Variants in LARGE1 observed in about 807,000 individuals in gnomAD.
The protein encoded by LARGE1 is LARGE xylosyl- and glucuronyltransferase 1.
LARGE1 carries 43 observed loss-of-function variants against 87.6 expected under a neutral mutation model. The observed-to-expected ratio is 0.49, with a 90% CI of 0.38 to 0.63. LARGE1 has a LOEUF of 0.63. Among genes scored for constraint, LARGE1 ranks in the 30% least tolerant of loss-of-function variants. The pLI is 0.00. For synonymous variants in LARGE1, 434 were observed against 394.6 expected, an observed-to-expected ratio of 1.10 and a Z score of -1.18; for missense variants, 802 against 1,000.2, an observed-to-expected ratio of 0.80 and a Z score of 2.67.
At chr22:33,564,710 A>G in intron 6 of LARGE1, 138 bp downstream of exon 6, 1 of 812,096 alleles carries the variant, frequency 1.2e-6, no homozygotes, top group Non-Finnish European at 2.1e-6. Flanking sequence ...ATATTGAACC[A>G]TATTTGTAAT....
At chr22:33,786,849 G>A (rs1365921055) in intron 1 of LARGE1, among the ~76,000 whole-genome samples, 9 of 152,060 alleles carry the variant, frequency 5.9e-5, no homozygotes, top group East Asian at 3.9e-4. Context: ...GTGAAACTCC[G>A]TCTCTACTAA....
intron 7 of LARGE1, among the ~76,000 whole-genome samples, chr22:33,420,212 A>G (rs2066643367): frequency 6.6e-6 from 1 of 152,210 alleles, no homozygotes; most frequent in Non-Finnish European, 1.5e-5. Flanking sequence ...TATTTATTTT[A>G]TTCAACAACA....
At chr22:33,201,283 G>A (rs1234986229) in intron 11 of LARGE1, among the ~76,000 whole-genome samples, 1 of 151,676 alleles carries the variant, frequency 6.6e-6, no homozygotes, top group African/African-American at 2.4e-5. Context: ...ACTCCAGTCT[G>A]GGCAACAAGA....
intron 5 of LARGE1, among the ~76,000 whole-genome samples, chr22:33,595,880 C>T (rs28363758): frequency 0.085 from 12,948 of 152,204 alleles, 682 homozygotes; most frequent in African/African-American, 0.14. Context: ...AGGCTTGCAC[C>T]TGATCTTCAT....
chr22:33,179,252 G>A (rs1261058677), intron 11 of LARGE1, among the ~76,000 whole-genome samples: 1 of 152,192 alleles, frequency 6.6e-6, no homozygotes, highest in Non-Finnish European at 1.5e-5. Context: ...CAAAAGCTGT[G>A]AAGGAGCTAT....
chr22:33,149,040 CTTTTTTTTTT>C, the LARGE1 span, among the ~76,000 whole-genome samples: 2,197 of 136,932 alleles, frequency 0.016, 38 homozygotes, highest in Admixed American at 0.058. Context: ...TTCTTTTTTT[CTTTTTTTTTT>C]TTTTTGAGAC....
At chr22:33,741,795 G>C (rs1256023969) in intron 2 of LARGE1, among the ~76,000 whole-genome samples, 1 of 152,204 alleles carries the variant, frequency 6.6e-6, no homozygotes, top group African/African-American at 2.4e-5. Flanking sequence ...CAATCACCTT[G>C]CAAGAAATCC....
At chr22:33,909,749 A>G (rs1239610162) in intron 1 of LARGE1, among the ~76,000 whole-genome samples, 2 of 151,822 alleles carry the variant, frequency 1.3e-5, no homozygotes, top group East Asian at 1.9e-4. Context: ...CGCGTTAGTC[A>G]AGATGGTCTC....
intron 1 of LARGE1, among the ~76,000 whole-genome samples, chr22:33,808,568 C>T (rs560765779): frequency 6.6e-6 from 1 of 151,844 alleles, no homozygotes; most frequent in African/African-American, 2.4e-5. Flanking sequence ...GTTTACAAAG[C>T]ACAAGGCACC....
chr22:33,649,808 A>G (rs2080736611), intron 3 of LARGE1, among the ~76,000 whole-genome samples: 1 of 152,256 alleles, frequency 6.6e-6, no homozygotes, highest in African/African-American at 2.4e-5. Flanking sequence ...GACAATAAAT[A>G]TCCCACATTT....
At position 33,274,129 on chromosome 22, in the gene LARGE1, T is replaced by C. The variant is rs1928681636; in HGVS notation, c.*298A>G. The C allele has an allele frequency of 3.7e-6, 2 of 535,088 alleles. No homozygotes were observed. The highest frequency in any genetic ancestry group is 3.1e-5 in the Admixed American group (1 of 31,924). The allele number at this position is 535,088 out of a possible 1,614,324, so 33.1% of individuals were successfully genotyped here. ...AAAGCCCTGCCCTGATCTTGTGGCTTTGCAGTAAGATGATAACCCTTTTAC... is the reference window on the plus strand; with the variant it reads ...AAAGCCCTGCCCTGATCTTGTGGCTCTGCAGTAAGATGATAACCCTTTTAC... On this transcript the variant is annotated 3_prime_UTR_variant, in exon 15 of 15. Transcript: ENST00000397394.
the LARGE1 span, among the ~76,000 whole-genome samples, chr22:33,156,333 G>A: frequency 6.6e-6 from 1 of 152,132 alleles, no homozygotes; most frequent in Non-Finnish European, 1.5e-5. Context: ...GGGCAGAATG[G>A]GGAAAGGGGG....
At chr22:33,696,260 TTTC>T (rs775054682) in intron 2 of LARGE1, among the ~76,000 whole-genome samples, 29,131 of 124,832 alleles carry the variant, frequency 0.23, 3,349 homozygotes, top group Non-Finnish European at 0.25. Context: ...TCTTTCTTTC[TTTC>T]TTTTTTTTTT....
intron 6 of LARGE1, among the ~76,000 whole-genome samples, chr22:33,516,696 T>C (rs1297648718): frequency 6.6e-6 from 1 of 151,946 alleles, no homozygotes; most frequent in Non-Finnish European, 1.5e-5. Context: ...TTCAAGCGAT[T>C]CTCCTGCCTC....
chr22:33,201,815 G>C (rs1924410701), intron 11 of LARGE1, among the ~76,000 whole-genome samples: 1 of 152,192 alleles, frequency 6.6e-6, no homozygotes, highest in Non-Finnish European at 1.5e-5. Flanking sequence ...TTTTGAGCAA[G>C]CAAGTAGCCT....
chr22:33,910,267 A>C (rs1400952162), intron 1 of LARGE1, among the ~76,000 whole-genome samples: 2 of 152,210 alleles, frequency 1.3e-5, no homozygotes, highest in Non-Finnish European at 2.9e-5. Flanking sequence ...GAGCTTCGCA[A>C]GGTGCTTTCA....
chr22:33,192,254 G>A (rs375713860), intron 11 of LARGE1, among the ~76,000 whole-genome samples: 1 of 152,158 alleles, frequency 6.6e-6, no homozygotes, highest in East Asian at 1.9e-4. Flanking sequence ...TGAGACATCC[G>A]AAAGGTGTTT....
intron 7 of LARGE1, among the ~76,000 whole-genome samples, chr22:33,426,605 T>C (rs1053662833): frequency 2.6e-5 from 4 of 152,232 alleles, no homozygotes; most frequent in Non-Finnish European, 5.9e-5. Context: ...TGTTTTCTCC[T>C]TTTGAATCTC....
chr22:33,860,780 C>T (rs878896577), intron 1 of LARGE1, among the ~76,000 whole-genome samples: 1 of 152,196 alleles, frequency 6.6e-6, no homozygotes, highest in Admixed American at 6.5e-5. Context: ...CTACCCTGAC[C>T]CTCCTGGGCC....
Sources: allele counts gnomAD v4.1 joint callset (sites outside exome capture counted in the v4.1 genomes callset), GRCh38; gene constraint gnomAD v4.1.1; transcripts MANE v1.5; gene names NCBI Gene and HGNC (gene_info 2026-07-23, HGNC 2026-07-21).